PTPRG: variants seen among roughly 807,000 people sequenced by gnomAD.
PTPRG encodes receptor-type tyrosine-protein phosphatase gamma.
A neutral mutation model predicts 165.3 loss-of-function variants in PTPRG; 102 were observed. The observed-to-expected ratio is 0.62, with a 90% CI of 0.53 to 0.73. The LOEUF (loss-of-function observed/expected upper bound fraction) is 0.73. Ranked by LOEUF, PTPRG falls within the 30% of genes least tolerant of loss-of-function variation. The pLI, the probability that PTPRG is intolerant of heterozygous loss-of-function variation, is 0.00. For synonymous variants in PTPRG, 675 were observed against 669.5 expected (o/e 1.01, Z -0.13); for missense variants, 1,866 against 1,861.4 (o/e 1.00, Z -0.05).
chr3:61,599,541 G>C (rs1385530500), intron 1 of PTPRG, among the ~76,000 whole-genome samples: 1 of 152,134 alleles, frequency 6.6e-6, no homozygotes, highest in Non-Finnish European at 1.5e-5. Context: ...CGTCCAGGCT[G>C]AAGTGCAGAG....
chr3:61,868,451 C>G (rs754442840), intron 2 of PTPRG, among the ~76,000 whole-genome samples: 7 of 152,212 alleles, frequency 4.6e-5, no homozygotes, highest in African/African-American at 7.2e-5. Flanking sequence ...CCTGGCCTCT[C>G]TGCTGCCTGA....
intron 2 of PTPRG, among the ~76,000 whole-genome samples, chr3:61,813,286 A>G (rs1450402412): frequency 1.3e-5 from 2 of 150,342 alleles, no homozygotes; most frequent in Admixed American, 6.7e-5. Context: ...ACCTGAGGTC[A>G]GGAGACCAGC....
rs146264926 is a variant in PTPRG at position 61,582,182 on chromosome 3, G to A, written c.85+19810G>A. ...AGGGTTTTGCCATGTTGCCCAGGCCGGTCTCAAACTCCTGGTCTCAAGTGA... is the reference window on the plus strand; with the variant it reads ...AGGGTTTTGCCATGTTGCCCAGGCCAGTCTCAAACTCCTGGTCTCAAGTGA... On this transcript the variant is annotated intron_variant, in intron 1 of 29. Coordinates refer to ENST00000474889, the MANE Select transcript of PTPRG (RefSeq NM_002841.4). Among the ~76,000 whole-genome samples, 714 of 152,026 alleles carry A rather than the reference G, an allele frequency of 4.7e-3. 5 individuals carry two copies. The highest frequency in any genetic ancestry group is 0.016 in the African/African-American group (648 of 41,472).
intron 2 of PTPRG, among the ~76,000 whole-genome samples, chr3:61,983,856 C>A (rs2040696014): frequency 6.6e-6 from 1 of 152,054 alleles, no homozygotes; most frequent in Admixed American, 6.6e-5. Context: ...ATTGCTGGGG[C>A]TGATGGTAGG....
At chr3:61,884,785 G>A (rs2037984269) in intron 2 of PTPRG, among the ~76,000 whole-genome samples, 1 of 152,130 alleles carries the variant, frequency 6.6e-6, no homozygotes, top group Non-Finnish European at 1.5e-5. Context: ...ATTTGAAAAA[G>A]CAGGTACAAG....
At chr3:62,013,648 A>C (rs957341842) in intron 4 of PTPRG, among the ~76,000 whole-genome samples, 7 of 152,232 alleles carry the variant, frequency 4.6e-5, no homozygotes, top group Non-Finnish European at 8.8e-5. Flanking sequence ...TCATTTTACT[A>C]TCTAGATTAT....
At chr3:62,138,807 A>G (rs887727411) in intron 6 of PTPRG, among the ~76,000 whole-genome samples, 2 of 150,242 alleles carry the variant, frequency 1.3e-5, no homozygotes, top group Non-Finnish European at 3.0e-5. Context: ...TGTGTGCGTT[A>G]TGTCCTGTGT....
intron 3 of PTPRG, among the ~76,000 whole-genome samples, chr3:61,992,864 G>C (rs1430533344): frequency 6.6e-6 from 1 of 151,926 alleles, no homozygotes; most frequent in South Asian, 2.1e-4. Flanking sequence ...ACAAGGTTTT[G>C]CCACGTTGGC....
At chr3:61,669,667 T>C (rs545815878) in intron 1 of PTPRG, among the ~76,000 whole-genome samples, 12 of 152,262 alleles carry the variant, frequency 7.9e-5, no homozygotes, top group Non-Finnish European at 1.6e-4. Flanking sequence ...CTTGGAACTA[T>C]GCTGCACAGG....
intron 5 of PTPRG, among the ~76,000 whole-genome samples, chr3:62,093,739 C>A (rs148319146): frequency 1.3e-5 from 2 of 152,196 alleles, no homozygotes; most frequent in African/African-American, 4.8e-5. Context: ...ATCATCCCCT[C>A]GGGCTGTTGC....
chr3:61,949,409 AAATT>A (rs752803836), intron 2 of PTPRG, among the ~76,000 whole-genome samples: 2 of 152,200 alleles, frequency 1.3e-5, no homozygotes, highest in Non-Finnish European at 2.9e-5. Flanking sequence ...GAAGCAACAA[AAATT>A]AATTATGTAG....
At chr3:62,083,316 G>T (rs1254108567) in intron 5 of PTPRG, among the ~76,000 whole-genome samples, 1 of 151,400 alleles carries the variant, frequency 6.6e-6, no homozygotes, top group Non-Finnish European at 1.5e-5. Flanking sequence ...GCTCAGGCAG[G>T]TCTTGAACTC....
At chr3:62,127,541 G>C (rs1201836345) in intron 5 of PTPRG, among the ~76,000 whole-genome samples, 2 of 152,166 alleles carry the variant, frequency 1.3e-5, no homozygotes, top group African/African-American at 4.8e-5. Context: ...CTGCAGCCAT[G>C]GTTAACGGTA....
intron 5 of PTPRG, among the ~76,000 whole-genome samples, chr3:62,097,770 G>C (rs1702165723): frequency 6.6e-6 from 1 of 152,100 alleles, no homozygotes; most frequent in Non-Finnish European, 1.5e-5. Context: ...GGTACACAAA[G>C]TATATTATTT....
intron 5 of PTPRG, among the ~76,000 whole-genome samples, chr3:62,120,464 T>A (rs72624886): frequency 0.17 from 17,092 of 101,880 alleles, 880 homozygotes; most frequent in East Asian, 0.29. Context: ...AAATAAAAGA[T>A]TGAAGGCCAG....
In PTPRG at chr3:61,712,011, A is replaced by G. The variant is rs908444256; in HGVS notation, c.86-36867A>G. ...TGGGTTCAAACGATTCTCCTGCCTC[A>G]GCCTCCCAAGTAGCTGGGATTATAG... On this transcript the variant is annotated intron_variant, in intron 1 of 29. Coordinates refer to ENST00000474889, the MANE Select transcript of PTPRG (RefSeq NM_002841.4). Among the ~76,000 whole-genome samples the G allele has an allele frequency of 2.0e-5, 3 of 150,410 alleles. No homozygotes were observed. The East Asian group carries it at 6.0e-4, about 30-fold the overall frequency.
intron 2 of PTPRG, among the ~76,000 whole-genome samples, chr3:61,815,332 C>T (rs1003336894): frequency 2.6e-4 from 39 of 151,996 alleles, no homozygotes; most frequent in African/African-American, 7.3e-4. Flanking sequence ...ACCACTTCAG[C>T]CTGGGAGGTG....
chr3:62,275,457 A>G (rs926224182), intron 23 of PTPRG, among the ~76,000 whole-genome samples: 2 of 152,202 alleles, frequency 1.3e-5, no homozygotes, highest in Non-Finnish European at 2.9e-5. Flanking sequence ...TCTACCTGAT[A>G]GTAGAAATAA....
At chr3:62,144,989 C>A (rs1340039923) in intron 6 of PTPRG, among the ~76,000 whole-genome samples, 1 of 151,870 alleles carries the variant, frequency 6.6e-6, no homozygotes, top group Admixed American at 6.6e-5. Flanking sequence ...CTGCTTGTTT[C>A]AGTGGGATGT....
Sources: allele counts gnomAD v4.1 joint callset (sites outside exome capture counted in the v4.1 genomes callset), GRCh38; gene constraint gnomAD v4.1.1; transcripts MANE v1.5; gene names NCBI Gene and HGNC (gene_info 2026-07-23, HGNC 2026-07-21).